PRPS2: variants seen among roughly 807,000 people sequenced by gnomAD.
The protein encoded by PRPS2 is phosphoribosyl pyrophosphate synthetase 2.
For missense variants in PRPS2, 104 were observed against 271.5 expected (o/e 0.38, Z 4.34); for synonymous variants, 111 against 115.3 (o/e 0.96, Z 0.24).
At chrX:12,817,292 CAG>C (rs1320308839) in intron 4 of PRPS2, among the ~76,000 whole-genome samples, 2 of 110,452 alleles carry the variant, frequency 1.8e-5, no homozygotes, top group East Asian at 5.7e-4. Context: ...TGTCAGAAGA[CAG>C]TGGTGCTGCC....
intron 2 of PRPS2, among the ~76,000 whole-genome samples, chrX:12,804,873 T>G (rs893136344): frequency 9.0e-6 from 1 of 111,462 alleles, no homozygotes; most frequent in Admixed American, 9.5e-5. Context: ...TTGTGCTGTT[T>G]CCTTCCCTTA....
At chrX:12,810,434 G>A (rs757637347) in intron 4 of PRPS2, 17 of 285,532 alleles carry the variant, frequency 6.0e-5, no homozygotes, top group Middle Eastern at 9.3e-4. Context: ...TTAAGTTATC[G>A]TTTTCTGATT....
chrX:12,797,671 C>T (rs2042551117), intron 1 of PRPS2, among the ~76,000 whole-genome samples: 1 of 112,089 alleles, frequency 8.9e-6, no homozygotes, highest in Admixed American at 9.5e-5. Context: ...CTTTTCAAAA[C>T]ATAGCAGAGC....
At chrX:12,810,713 G>A (rs960864397) in intron 4 of PRPS2, among the ~76,000 whole-genome samples, 1 of 110,508 alleles carries the variant, frequency 9.0e-6, no homozygotes, top group Non-Finnish European at 1.9e-5. Flanking sequence ...AGCCAGGCAC[G>A]GTGATGTATG....
At chrX:12,812,006 C>T (rs1228359049) in intron 4 of PRPS2, among the ~76,000 whole-genome samples, 1 of 111,954 alleles carries the variant, frequency 8.9e-6, no homozygotes, top group Non-Finnish European at 1.9e-5. Context: ...GGTGGGCAGT[C>T]ACGGGGTGGA....
intron 4 of PRPS2, among the ~76,000 whole-genome samples, chrX:12,818,948 G>A (rs1288749547): frequency 9.0e-6 from 1 of 110,744 alleles, no homozygotes; most frequent in South Asian, 3.8e-4. Context: ...TTCTACCTGC[G>A]ACTCCTGAGT....
intron 3 of PRPS2, among the ~76,000 whole-genome samples, 172 bp downstream of exon 3, chrX:12,809,504 GC>G (rs1164461471): frequency 1.8e-5 from 2 of 111,299 alleles, no homozygotes; most frequent in African/African-American, 6.5e-5. Context: ...TCACCACCTT[GC>G]CCCCCAGTCA....
At chrX:12,794,940 G>A (rs184916333) in intron 1 of PRPS2, among the ~76,000 whole-genome samples, 1 of 111,863 alleles carries the variant, frequency 8.9e-6, no homozygotes, top group African/African-American at 3.3e-5. Flanking sequence ...CTGTTGCTGC[G>A]GTATCTTACA....
chrX:12,809,893 T>G (rs968945521), intron 3 of PRPS2, 129 bp from the exon 4 acceptor site: 11 of 888,180 alleles, frequency 1.2e-5, no homozygotes, highest in South Asian at 3.0e-5. Context: ...CAAAAGGGAG[T>G]CTGTTATAAA....
intron 4 of PRPS2, among the ~76,000 whole-genome samples, chrX:12,818,949 A>G (rs2042662701): frequency 9.2e-6 from 1 of 108,412 alleles, no homozygotes; most frequent in Non-Finnish European, 1.9e-5. Context: ...TCTACCTGCG[A>G]CTCCTGAGTA....
chrX:12,813,153 G>A (rs1268572021), intron 4 of PRPS2, among the ~76,000 whole-genome samples: 2 of 112,094 alleles, frequency 1.8e-5, no homozygotes, highest in Non-Finnish European at 3.8e-5. Flanking sequence ...TTATTTAAGC[G>A]TATATCTGCC....
intron 4 of PRPS2, among the ~76,000 whole-genome samples, chrX:12,813,013 T>C (rs2042631457): frequency 8.9e-6 from 1 of 111,939 alleles, no homozygotes; most frequent in South Asian, 3.7e-4. Flanking sequence ...CTTTCTTTCC[T>C]CCCCCAACCT....
At chrX:12,813,824 A>G (rs1390845349) in intron 4 of PRPS2, among the ~76,000 whole-genome samples, 1 of 111,537 alleles carries the variant, frequency 9.0e-6, no homozygotes, top group Non-Finnish European at 1.9e-5. Flanking sequence ...TATTTCTCCA[A>G]GTTTTTTCAT....
intron 2 of PRPS2, among the ~76,000 whole-genome samples, chrX:12,806,417 A>C (rs1439165655): frequency 8.9e-6 from 1 of 112,289 alleles, no homozygotes; most frequent in South Asian, 3.6e-4. Context: ...TTTGACTTTT[A>C]TGCGTTTTTC....
At chrX:12,798,534 C>A (rs1046497032) in intron 1 of PRPS2, among the ~76,000 whole-genome samples, 1 of 112,535 alleles carries the variant, frequency 8.9e-6, no homozygotes, top group Admixed American at 9.4e-5. Flanking sequence ...CCTCTGGGCA[C>A]TTTCTCTGTT....
intron 3 of PRPS2, among the ~76,000 whole-genome samples, chrX:12,809,653 A>T (rs757798798): frequency 8.9e-6 from 1 of 111,969 alleles, no homozygotes; most frequent in South Asian, 3.8e-4. Context: ...TCTCTAAAAC[A>T]GGCCAAATTA....
chrX:12,791,673 G>A, intron 1 of PRPS2, 54 bp downstream of exon 1: 2 of 899,168 alleles, frequency 2.2e-6, no homozygotes, highest in Non-Finnish European at 2.8e-6. Context: ...CGCGGCTGCG[G>A]GGCCGGGTTG....
intron 1 of PRPS2, 100 bp from the exon 2 acceptor site, chrX:12,799,098 CTGAGTCCTA>C: frequency 1.4e-6 from 1 of 726,540 alleles, no homozygotes; most frequent in Non-Finnish European, 2.1e-6. Context: ...AACTATTAGG[CTGAGTCCTA>C]TAAGTCATCC....
At chrX:12,822,224 C>T (rs1335549556) in intron 6 of PRPS2, among the ~76,000 whole-genome samples, 1 of 111,633 alleles carries the variant, frequency 9.0e-6, no homozygotes, top group African/African-American at 3.3e-5. Context: ...CTACAATGGG[C>T]AAGTTGAGTA....
Sources: gnomAD v4.1 joint callset for allele counts (sites outside exome capture counted in the v4.1 genomes callset) on GRCh38, gnomAD v4.1.1 for gene constraint, MANE v1.5 for transcripts, NCBI Gene and HGNC (gene_info 2026-07-23, HGNC 2026-07-21) for gene names.